ERCC6: variants seen among roughly 807,000 people sequenced by gnomAD.
ERCC6 encodes the protein DNA excision repair protein ERCC-6.
In ERCC6, 116 loss-of-function variants were observed where a neutral mutation model predicts 158.7. That is an observed-to-expected ratio of 0.73 (90% confidence interval 0.63 to 0.85). ERCC6 has a LOEUF of 0.85. Ranked by LOEUF, ERCC6 falls within the 40% of genes least tolerant of loss-of-function variation. ERCC6 has a pLI of 0.00. For synonymous variants in ERCC6, 678 were observed against 659.3 expected, an observed-to-expected ratio of 1.03 and a Z score of -0.43; for missense variants, 1,698 against 1,799.4, an observed-to-expected ratio of 0.94 and a Z score of 1.02.
At position 49,456,784 on chromosome 10, in the gene ERCC6, T is replaced by C. The variant is rs1050975183; in HGVS notation, c.*2031A>G. ...ATCTAAATGAATAAATTTCTCTGTA[T>C]TGTTAAAACCATTCTACTTAACTGC... On this transcript the variant is annotated 3_prime_UTR_variant, in exon 21 of 21. Coordinates refer to ENST00000355832, the MANE Select transcript of ERCC6 (RefSeq NM_000124.4). 23 of 152,196 alleles carry C rather than the reference T, an allele frequency of 1.5e-4. No homozygotes were observed. In the East Asian group the frequency reaches 1.9e-3, roughly 13 times the overall value. 9.4% of individuals were successfully genotyped at this position (152,196 alleles called of 1,614,324 possible). A position where few individuals can be genotyped will look rare whatever the true frequency, so the allele number is the denominator to read the frequency against.
At chr10:49,481,015 G>A (rs144580951) in intron 10 of ERCC6, among the ~76,000 whole-genome samples, 61 of 152,260 alleles carry the variant, frequency 4.0e-4, no homozygotes, top group African/African-American at 1.4e-3. Flanking sequence ...GTTAAACTTC[G>A]TTCTGATTTT....
At chr10:49,461,623 G>T in intron 18 of ERCC6, 67 bp from the exon 19 acceptor site, 3 of 1,486,546 alleles carry the variant, frequency 2.0e-6, no homozygotes, top group East Asian at 2.4e-5. Context: ...TTTCTCCTCT[G>T]TATAAGTACA....
chr10:49,504,187 T>A (rs1034722183), intron 6 of ERCC6: 17 of 144,226 alleles, frequency 1.2e-4, no homozygotes, highest in African/African-American at 4.2e-4. Context: ...TAAAACGCAA[T>A]CATAAAAGAA....
intron 18 of ERCC6, among the ~76,000 whole-genome samples, chr10:49,469,817 C>T (rs1220415677): frequency 6.6e-6 from 1 of 152,148 alleles, no homozygotes; most frequent in Non-Finnish European, 1.5e-5. Flanking sequence ...CACGCTTGTC[C>T]CTCTCCCTTA....
intron 16 of ERCC6, 40 bp downstream of exon 16, chr10:49,472,336 T>A: frequency 6.4e-7 from 1 of 1,560,680 alleles, no homozygotes; most frequent in African/African-American, 1.4e-5. Context: ...CTCAAGACTC[T>A]GGGAACGCAC....
chr10:49,503,630 A>C (rs1851391749), intron 6 of ERCC6: 1 of 152,160 alleles, frequency 6.6e-6, no homozygotes, highest in Non-Finnish European at 1.5e-5. Context: ...GCCTGAGCTC[A>C]GGTTTCAGCT....
intron 10 of ERCC6, among the ~76,000 whole-genome samples, chr10:49,479,400 ATATG>A (rs1184971522): frequency 5.3e-5 from 8 of 152,216 alleles, no homozygotes; most frequent in African/African-American, 9.6e-5. Flanking sequence ...TCATGCACAT[ATATG>A]TATGTGTGTG....
In ERCC6 at chr10:49,474,012, A is replaced by C. The variant is rs775539936; in HGVS notation, c.2598+15T>G. On this transcript the variant is annotated intron_variant, in intron 13 of 20. Transcript: ENST00000355832. ...AAGAACCAGCCTGTTTCCCGTCTGA[A>C]GTCTGTGCACTCACCTGCCTTGACT... 1.2e-5 allele frequency: 20 copies of C among 1,611,836 alleles called. No homozygotes were observed. In the Admixed American group the frequency reaches 3.3e-4, roughly 27 times the overall value.
Position 49,482,784 on chromosome 10 carries a change from A to T in ERCC6, c.2072T>A (p.Phe691Tyr). ...CGTGCCTAACTTTCCCGGGAAGATG[A>T]AGTCAAAGAGCGACCACAGCTCTCG... ...NLRELWSLFDFIFPGKLGTLP... is the reference protein window; with the variant it reads ...NLRELWSLFDYIFPGKLGTLP... The change falls in exon 10 of 21, where the codon TTC becomes TAC. Residue 691 changes from phenylalanine (F) to tyrosine (Y), a missense_variant. Physicochemically the swap from Phe to Tyr is conservative, Grantham distance 22. Coordinates refer to ENST00000355832, the MANE Select transcript of ERCC6 (RefSeq NM_000124.4). The T allele has an allele frequency of 1.9e-6, 3 of 1,613,598 alleles. 1 individual carries two copies. The South Asian group carries it at 3.3e-5, about 18-fold the overall frequency.
In ERCC6 at chr10:49,470,720, T is replaced by C. The variant is rs750313950; in HGVS notation, c.3240A>G (p.Val1080=). The part of the protein sequence containing the change: ...EEKSEAKGAE[V]NAVTSNRSDP... ...CACTTCGATTAGAAGTTACTGCATT[T>C]ACTTCAGCTCCTTTAGCCTCAGATT... The change falls in exon 18 of 21, where the codon GTA becomes GTG. Residue 1080 remains valine (V), a synonymous_variant. Coordinates refer to ENST00000355832, the MANE Select transcript of ERCC6 (RefSeq NM_000124.4). The C allele has an allele frequency of 1.2e-6, 2 of 1,614,166 alleles. No individual in the cohort carries two copies.
intron 5 of ERCC6, among the ~76,000 whole-genome samples, chr10:49,512,160 GC>G (rs770620107): frequency 6.6e-6 from 1 of 152,166 alleles, no homozygotes. Flanking sequence ...CAACCCCCAA[GC>G]ATAGCAGACT....
chr10:49,458,893 T>C lies in ERCC6; in HGVS notation c.4404A>G (p.Glu1468=), dbSNP rs1850526053. ...GGAAAGTGCACAGATTTCTCAATAG[T>C]TCTCGGAAGACACAAGACTGTGATG... ...LSASQSCVFR[E]LLRNLCTFHR... Residue 1468 remains glutamate (E), a synonymous_variant, in exon 21 of 21, where the codon GAA becomes GAG. Coordinates refer to ENST00000355832, the MANE Select transcript of ERCC6 (RefSeq NM_000124.4). The C allele has an allele frequency of 6.2e-7, 1 of 1,614,210 alleles. No individual in the cohort carries two copies. The highest frequency in any genetic ancestry group is 8.5e-7 in the Non-Finnish European group (1 of 1,180,026).
At chr10:49,500,992 A>G in intron 6 of ERCC6, 1 of 299,436 alleles carries the variant, frequency 3.3e-6, no homozygotes, top group Non-Finnish European at 6.3e-6. Context: ...ATAGCTTGCT[A>G]AACAAGCATA....
chr10:49,470,792 G>A lies in ERCC6; in HGVS notation c.3168C>T (p.Phe1056=). 6.2e-7 allele frequency: 1 copy of A among 1,614,136 alleles called. No homozygotes were observed. The highest frequency in any genetic ancestry group is 8.5e-7 in the Non-Finnish European group (1 of 1,180,034). The change falls in exon 18 of 21, where the codon TTC becomes TTT. Residue 1056 remains phenylalanine, a synonymous_variant. Transcript: ENST00000355832. ...CATTTACAGATATGTTAGAAGCAGGGAACTTCTTGCGTTTTGGAACATCAT... is the reference window on the plus strand; with the variant it reads ...CATTTACAGATATGTTAGAAGCAGGAAACTTCTTGCGTTTTGGAACATCAT... The part of the protein sequence containing the change: ...ADHDVPKRKK[F]PASNISVNDA...
chr10:49,449,195 T>G (rs371324244), downstream of ERCC6, among the ~76,000 whole-genome samples: 4 of 152,248 alleles, frequency 2.6e-5, no homozygotes, highest in African/African-American at 9.6e-5. Context: ...GATATCTCAT[T>G]GTGGTTTTGC....
intron 5 of ERCC6, among the ~76,000 whole-genome samples, chr10:49,522,247 C>T (rs1479046662): frequency 6.6e-6 from 1 of 152,188 alleles, no homozygotes; most frequent in Non-Finnish European, 1.5e-5. Context: ...CAAAGATCAG[C>T]AATGAGTAAC....
At chr10:49,534,164 A>AAC (rs1837542582) in intron 1 of ERCC6, among the ~76,000 whole-genome samples, 1 of 150,738 alleles carries the variant, frequency 6.6e-6, no homozygotes, top group African/African-American at 2.5e-5. Flanking sequence ...ACAAAAAAAA[A>AAC]ACTCCATTTT....
intron 8 of ERCC6, among the ~76,000 whole-genome samples, chr10:49,490,307 G>C (rs1851150611): frequency 1.3e-5 from 2 of 151,564 alleles, no homozygotes; most frequent in African/African-American, 4.9e-5. Flanking sequence ...TGATAGATGT[G>C]CTTAATTGAG....
chr10:49,467,597 G>A (rs746104875), intron 18 of ERCC6, among the ~76,000 whole-genome samples: 29 of 151,956 alleles, frequency 1.9e-4, no homozygotes, highest in Non-Finnish European at 2.8e-4. Flanking sequence ...ATGGGGTCTC[G>A]CTCTGCTGCC....
Sources: allele counts gnomAD v4.1 joint callset (sites outside exome capture counted in the v4.1 genomes callset), GRCh38; gene constraint gnomAD v4.1.1; transcripts MANE v1.5; gene names NCBI Gene and HGNC (gene_info 2026-07-23, HGNC 2026-07-21).